The following DLG2 variants were observed in gnomAD, a reference collection of about 807,000 sequenced individuals.
DLG2 encodes discs large MAGUK scaffold protein 2.
In DLG2, 45 loss-of-function variants were observed where a neutral mutation model predicts 132.5. That is an observed-to-expected ratio of 0.34 (90% CI 0.27 to 0.44). The LOEUF is 0.44. DLG2 is among the 20% of genes least tolerant of loss of function. The pLI, the probability that DLG2 is intolerant of heterozygous loss-of-function variation, is 1.00. For missense variants in DLG2, 1,045 were observed against 1,196.9 expected (o/e 0.87, Z 1.87); for synonymous variants, 424 against 419.6 (o/e 1.01, Z -0.13).
At chr11:84,502,253 T>TTC (rs1235588953) in intron 7 of DLG2, among the ~76,000 whole-genome samples, 1 of 51,144 alleles carries the variant, frequency 2.0e-5, no homozygotes, top group African/African-American at 2.4e-4. Context: ...CTTCCTTCCT[T>TTC]CCTTCCTTCC....
chr11:83,511,588 A>G (rs974640258), intron 21 of DLG2, among the ~76,000 whole-genome samples: 2 of 151,468 alleles, frequency 1.3e-5, no homozygotes, highest in Non-Finnish European at 2.9e-5. Flanking sequence ...TTAATAAATG[A>G]TAAGTATTTT....
intron 3 of DLG2, among the ~76,000 whole-genome samples, chr11:85,488,972 A>G (rs2093495584): frequency 6.6e-6 from 1 of 152,196 alleles, no homozygotes; most frequent in Non-Finnish European, 1.5e-5. Flanking sequence ...AGATGATACC[A>G]CTATAGAATT....
chr11:83,891,595 G>A (rs895968226), intron 15 of DLG2, among the ~76,000 whole-genome samples: 1 of 152,166 alleles, frequency 6.6e-6, no homozygotes, highest in Non-Finnish European at 1.5e-5. Flanking sequence ...AGAGAAAGCA[G>A]TTCTGAAGAA....
chr11:84,589,112 G>C (rs975228102), intron 6 of DLG2, among the ~76,000 whole-genome samples: 1 of 152,144 alleles, frequency 6.6e-6, no homozygotes, highest in Non-Finnish European at 1.5e-5. Context: ...AGAGGGAGTG[G>C]AGAGGTTGTG....
Position 85,092,217 on chromosome 11 carries a change from G to C in DLG2, c.357+19444C>G, listed in dbSNP as rs552577334. ...CAATAAGCAGTAATATTTTGAAAGA[G>C]ATCTTTTTTTCTGAGCAGATTACAA... is the stretch of plus-strand genomic sequence containing the variant. On this transcript the variant is annotated intron_variant, in intron 6 of 27. Coordinates refer to ENST00000376104, the MANE Select transcript of DLG2 (RefSeq NM_001142699.3). 2.0e-5 allele frequency among the ~76,000 whole-genome samples: 3 copies of C among 151,706 alleles called. No individual in the cohort carries two copies. In the Middle Eastern group the frequency reaches 0.01, roughly 520 times the overall value.
chr11:84,988,423 T>C (rs1377193415), intron 6 of DLG2, among the ~76,000 whole-genome samples: 1 of 152,172 alleles, frequency 6.6e-6, no homozygotes, highest in Non-Finnish European at 1.5e-5. Context: ...TGCATATTTA[T>C]AGCAGCAAAA....
intron 3 of DLG2, among the ~76,000 whole-genome samples, chr11:85,479,168 G>C (rs1170732118): frequency 6.6e-6 from 1 of 151,968 alleles, no homozygotes; most frequent in African/African-American, 2.4e-5. Flanking sequence ...AGTCCATTTG[G>C]GCTACTATAC....
chr11:84,525,802 C>A (rs1028957563), intron 7 of DLG2, among the ~76,000 whole-genome samples: 11 of 152,178 alleles, frequency 7.2e-5, no homozygotes, highest in Non-Finnish European at 1.5e-4. Flanking sequence ...CCACTCTATG[C>A]CCCTTTCCTT....
chr11:84,440,442 G>A (rs1226642151), intron 7 of DLG2, among the ~76,000 whole-genome samples: 2 of 152,120 alleles, frequency 1.3e-5, no homozygotes, highest in Non-Finnish European at 2.9e-5. Context: ...TGGATATAAT[G>A]TCAACTGAAT....
chr11:85,409,708 A>G (rs1386124860), intron 3 of DLG2, among the ~76,000 whole-genome samples: 7 of 151,806 alleles, frequency 4.6e-5, no homozygotes, highest in African/African-American at 1.7e-4. Context: ...AGAAATACCG[A>G]ATACTGGGCT....
At chr11:84,877,064 T>A (rs1175979554) in intron 6 of DLG2, among the ~76,000 whole-genome samples, 1 of 152,182 alleles carries the variant, frequency 6.6e-6, no homozygotes, top group Admixed American at 6.5e-5. Context: ...TTTTTATGAT[T>A]TCCATTCTTT....
intron 15 of DLG2, among the ~76,000 whole-genome samples, chr11:83,925,756 C>A (rs2078855345): frequency 6.6e-6 from 1 of 151,956 alleles, no homozygotes; most frequent in African/African-American, 2.4e-5. Context: ...ATAATTAGGA[C>A]CTTTTATGTA....
chr11:85,175,356 T>G (rs1595086208), intron 4 of DLG2, among the ~76,000 whole-genome samples: 1 of 151,660 alleles, frequency 6.6e-6, no homozygotes, highest in African/African-American at 2.4e-5. Context: ...TAAACAGAAC[T>G]AAAGAAACCA....
At position 83,964,428 on chromosome 11, in the gene DLG2, T is replaced by C. The variant is rs972362989; in HGVS notation, c.1201+896A>G. ...AGGAAATAAAATTGTTCAACACATT[T>C]CTCTCAAGAGAAACATGTAAGTCTG... On this transcript the variant is annotated intron_variant, in intron 13 of 27. Coordinates refer to ENST00000376104, the MANE Select transcript of DLG2 (RefSeq NM_001142699.3). Among the ~76,000 whole-genome samples, 7 of 151,986 alleles carry C rather than the reference T, an allele frequency of 4.6e-5. No homozygotes were observed. The East Asian group carries it at 1.2e-3, about 25-fold the overall frequency.
intron 7 of DLG2, among the ~76,000 whole-genome samples, chr11:84,405,489 T>C (rs1442587218): frequency 6.6e-6 from 1 of 152,228 alleles, no homozygotes; most frequent in Non-Finnish European, 1.5e-5. Context: ...AAGTCTTGCC[T>C]TCCTATAAGT....
intron 6 of DLG2, among the ~76,000 whole-genome samples, chr11:84,647,092 T>TG (rs1439861846): frequency 6.6e-6 from 1 of 152,016 alleles, no homozygotes; most frequent in African/African-American, 2.4e-5. Context: ...CTAAATCTAT[T>TG]GGGGATAACA....
chr11:84,706,960 G>A (rs7942057), intron 6 of DLG2, among the ~76,000 whole-genome samples: 71,194 of 151,638 alleles, frequency 0.47, 19,136 homozygotes, highest in African/African-American at 0.75. Context: ...ATATTTAAGG[G>A]AGACTTGTAC....
At chr11:84,162,105 C>A (rs1481008898) in intron 9 of DLG2, among the ~76,000 whole-genome samples, 1 of 152,086 alleles carries the variant, frequency 6.6e-6, no homozygotes, top group African/African-American at 2.4e-5. Context: ...GGTCTACAAT[C>A]TTCATTTATA....
chr11:84,418,256 T>C (rs1257700925), intron 7 of DLG2, among the ~76,000 whole-genome samples: 1 of 152,178 alleles, frequency 6.6e-6, no homozygotes, highest in Non-Finnish European at 1.5e-5. Context: ...ACTTACAAGA[T>C]CCAGAATACA....
Sources: allele counts gnomAD v4.1 joint callset (sites outside exome capture counted in the v4.1 genomes callset), GRCh38; gene constraint gnomAD v4.1.1; transcripts MANE v1.5; gene names NCBI Gene and HGNC (gene_info 2026-07-23, HGNC 2026-07-21).